The following ATM variants were observed in gnomAD, a reference collection of about 807,000 sequenced individuals.
ATM encodes serine-protein kinase ATM.
In ATM, 308 loss-of-function variants were observed where a neutral mutation model predicts 387.0. The observed-to-expected ratio is 0.80, with a 90% CI of 0.73 to 0.87. ATM has a LOEUF of 0.87. ATM is among the 40% of genes least tolerant of loss of function. The pLI, the probability that ATM is intolerant of heterozygous loss-of-function variation, is 0.00. For missense variants in ATM, 3,312 were observed against 3,560.9 expected, an observed-to-expected ratio of 0.93 and a Z score of 1.78; for synonymous variants, 1,156 against 1,187.3, an observed-to-expected ratio of 0.97 and a Z score of 0.54.
chr11:108,304,673 A>C lies in ATM; in HGVS notation c.5497-2A>C, dbSNP rs786203796. ...TTGGGTGGATTTGTTTGTATATTCT[A>C]GGTGAAAACTGACTTTTGTCAGACT... On this transcript the variant is annotated splice_acceptor_variant, in intron 36 of 62. Coordinates refer to ENST00000675843, the MANE Select transcript of ATM (RefSeq NM_000051.4). LOFTEE classifies it high-confidence loss of function. 3 of 1,613,248 alleles carry C rather than the reference A, an allele frequency of 1.9e-6. No individual in the cohort carries two copies. The highest frequency in any genetic ancestry group is 2.5e-6 in the Non-Finnish European group (3 of 1,179,450).
intron 47 of ATM, 70 bp from the exon 48 acceptor site, chr11:108,327,575 G>T: frequency 7.7e-7 from 1 of 1,292,088 alleles, no homozygotes. Context: ...TTTTTTCCCC[G>T]TACATGAAGG....
intron 61 of ATM, among the ~76,000 whole-genome samples, chr11:108,359,896 G>C (rs951123273): frequency 2.6e-5 from 4 of 152,084 alleles, no homozygotes; most frequent in Non-Finnish European, 5.9e-5. Flanking sequence ...GCTAGAAAAG[G>C]AAGAGCAAAC....
intron 5 of ATM, among the ~76,000 whole-genome samples, chr11:108,236,775 T>C (rs1209299828): frequency 6.6e-6 from 1 of 152,148 alleles, no homozygotes; most frequent in Non-Finnish European, 1.5e-5. Flanking sequence ...TGGTGTTGTT[T>C]CCTGTTTATA....
intron 5 of ATM, among the ~76,000 whole-genome samples, chr11:108,241,742 C>CTTTTTTTTTTT (rs1206745957): frequency 4.6e-4 from 21 of 45,350 alleles, no homozygotes; most frequent in Non-Finnish European, 5.3e-4. Flanking sequence ...TTCTTTCTTT[C>CTTTTTTTTTTT]TTTTTTTTTT....
chr11:108,283,188 C>G (rs1181930132), intron 25 of ATM, among the ~76,000 whole-genome samples: 5 of 152,240 alleles, frequency 3.3e-5, no homozygotes, highest in African/African-American at 9.6e-5. Flanking sequence ...TCTTTCAGGT[C>G]CTTTTCAGCT....
chr11:108,311,601 G>A (rs1411010031), intron 39 of ATM, among the ~76,000 whole-genome samples: 2 of 152,122 alleles, frequency 1.3e-5, no homozygotes, highest in Non-Finnish European at 2.9e-5. Flanking sequence ...AGGAGGCTGA[G>A]GGAGGAGGAT....
chr11:108,311,773 G>C (rs975165990), intron 39 of ATM, among the ~76,000 whole-genome samples: 4 of 152,016 alleles, frequency 2.6e-5, no homozygotes, highest in African/African-American at 9.7e-5. Flanking sequence ...ACTTATGATA[G>C]TATTTATTTT....
At chr11:108,239,714 A>G (rs1209623179) in intron 5 of ATM, among the ~76,000 whole-genome samples, 5 of 152,164 alleles carry the variant, frequency 3.3e-5, no homozygotes, top group Non-Finnish European at 5.9e-5. Flanking sequence ...AGGAACCAAC[A>G]TCCTGTTTTA....
chr11:108,324,755 A>G (rs2085484383), intron 45 of ATM, among the ~76,000 whole-genome samples: 1 of 152,226 alleles, frequency 6.6e-6, no homozygotes, highest in Non-Finnish European at 1.5e-5. Flanking sequence ...TGGGAAGGAT[A>G]CTATTCATAT....
chr11:108,293,565 G>C (rs745673567), intron 31 of ATM, 88 bp downstream of exon 31: 2 of 1,200,314 alleles, frequency 1.7e-6, no homozygotes, highest in Non-Finnish European at 2.4e-6. Flanking sequence ...AGTAAAAAAT[G>C]GAATCTTTTC....
chr11:108,316,158 C>G (rs1565500225), intron 42 of ATM, 45 bp downstream of exon 42: 3 of 1,517,820 alleles, frequency 2.0e-6, no homozygotes, highest in East Asian at 4.6e-5. Flanking sequence ...TAGTGTAGTG[C>G]TGAGGTTATT....
At chr11:108,298,575 G>C (rs913426108) in intron 33 of ATM, among the ~76,000 whole-genome samples, 1 of 152,180 alleles carries the variant, frequency 6.6e-6, no homozygotes, top group South Asian at 2.1e-4. Flanking sequence ...TGGCTTTCCT[G>C]TGTAGCATAA....
At chr11:108,267,429 G>A in intron 17 of ATM, 87 bp downstream of exon 17, 2 of 1,253,114 alleles carry the variant, frequency 1.6e-6, no homozygotes, top group Non-Finnish European at 2.3e-6. Flanking sequence ...TCAATTTTGT[G>A]CTTATTTCAT....
At chr11:108,283,556 A>G (rs558677913) in intron 25 of ATM, among the ~76,000 whole-genome samples, 1 of 152,344 alleles carries the variant, frequency 6.6e-6, no homozygotes, top group South Asian at 2.1e-4. Flanking sequence ...CTAATAGATT[A>G]TGAGTTGTAT....
chr11:108,328,146 C>CT (rs1488710072), intron 48 of ATM, among the ~76,000 whole-genome samples: 6 of 152,216 alleles, frequency 3.9e-5, no homozygotes, highest in African/African-American at 7.2e-5. Flanking sequence ...GCCCCTTTGA[C>CT]TTTCCTGTTT....
chr11:108,263,443 C>G (rs903914649), intron 16 of ATM, among the ~76,000 whole-genome samples: 4 of 142,500 alleles, frequency 2.8e-5, no homozygotes, highest in Admixed American at 2.1e-4. Context: ...CCACCGAGAA[C>G]AAAGACACAA....
At chr11:108,348,441 G>A (rs2088758172) in intron 59 of ATM, among the ~76,000 whole-genome samples, 2 of 149,968 alleles carry the variant, frequency 1.3e-5, no homozygotes, top group South Asian at 2.1e-4. Flanking sequence ...AAGAAAGAAA[G>A]AATATATATA....
At chr11:108,303,604 G>A (rs756924761) in intron 36 of ATM, among the ~76,000 whole-genome samples, 31 of 152,104 alleles carry the variant, frequency 2.0e-4, no homozygotes, top group Non-Finnish European at 2.8e-4. Flanking sequence ...CATCTGATGA[G>A]GTCAAACATC....
chr11:108,287,480 A>AAG (rs2082550226), intron 26 of ATM, 120 bp from the exon 27 acceptor site: 8 of 615,692 alleles, frequency 1.3e-5, no homozygotes, highest in Non-Finnish European at 1.9e-5. Flanking sequence ...ACTTTGAGTC[A>AAG]TCTATTTTCT....
Sources: allele counts gnomAD v4.1 joint callset (sites outside exome capture counted in the v4.1 genomes callset), GRCh38; gene constraint gnomAD v4.1.1; transcripts MANE v1.5; gene names NCBI Gene and HGNC (gene_info 2026-07-23, HGNC 2026-07-21).